PRKN: variants seen among roughly 807,000 people sequenced by gnomAD.
The protein encoded by PRKN is parkin RBR E3 ubiquitin protein ligase.
A neutral mutation model predicts 59.5 loss-of-function variants in PRKN; 56 were observed. The ratio of observed to expected loss-of-function variants is 0.94; its 90% confidence interval spans 0.76 to 1.18. PRKN has a LOEUF of 1.18. Among genes scored for constraint, PRKN ranks in the 50% most tolerant of loss-of-function variants. PRKN has a pLI of 0.00. For missense variants in PRKN, 657 were observed against 596.4 expected (o/e 1.10, Z -1.06); for synonymous variants, 250 against 222.1 (o/e 1.13, Z -1.12).
intron 1 of PRKN, among the ~76,000 whole-genome samples, chr6:162,645,467 A>T (rs1778131665): frequency 1.3e-5 from 2 of 152,210 alleles, no homozygotes; most frequent in East Asian, 3.8e-4. Flanking sequence ...AAAGAGGTCA[A>T]TTGCAGCTCT....
In PRKN at chr6:161,363,579, A is replaced by G. The variant is rs1363601566; in HGVS notation, c.1168-3374T>C. Among the ~76,000 whole-genome samples, 1 of 152,162 alleles carries G rather than the reference A, an allele frequency of 6.6e-6. No individual in the cohort carries two copies. The highest frequency in any genetic ancestry group is 1.5e-5 in the Non-Finnish European group (1 of 68,040). ...AGGTGAGAAGGTCCAGTGTTTTTCTAAGTAGAGTTCTGGAAGGAGATAACA... is the reference window on the plus strand; with the variant it reads ...AGGTGAGAAGGTCCAGTGTTTTTCTGAGTAGAGTTCTGGAAGGAGATAACA... On this transcript the variant is annotated intron_variant, in intron 10 of 11. Coordinates refer to ENST00000366898, the MANE Select transcript of PRKN (RefSeq NM_004562.3). This position sits in a 1 kb window ranked among gnomAD's most constrained non-coding sequence, Gnocchi z 4.1.
chr6:161,977,642 GTTC>G (rs1338135429), intron 5 of PRKN, among the ~76,000 whole-genome samples: 5 of 150,210 alleles, frequency 3.3e-5, no homozygotes, highest in Non-Finnish European at 5.9e-5. Flanking sequence ...CACCTCCCGG[GTTC>G]ACGCCATTCT....
At chr6:162,278,556 A>G (rs184489435) in intron 2 of PRKN, among the ~76,000 whole-genome samples, 18 of 152,258 alleles carry the variant, frequency 1.2e-4, no homozygotes, top group Non-Finnish European at 2.5e-4. Flanking sequence ...TAGATGGGAA[A>G]TACCTTCCTC....
At chr6:162,221,554 C>T (rs1334097568) in intron 3 of PRKN, among the ~76,000 whole-genome samples, 1 of 152,150 alleles carries the variant, frequency 6.6e-6, no homozygotes, top group Non-Finnish European at 1.5e-5. Flanking sequence ...ATTGATGCCA[C>T]AGTGGTATGG....
At position 161,471,123 on chromosome 6, in the gene PRKN, C is replaced by T. The variant is rs900955980; in HGVS notation, c.1083+77731G>A. 6.6e-6 allele frequency among the ~76,000 whole-genome samples: 1 copy of T among 152,142 alleles called. No homozygotes were observed. The highest frequency in any genetic ancestry group is 2.4e-5 in the African/African-American group (1 of 41,414). ...TGAACCCACACTTGTCTTCTTATCCCAGGTCCTGCAAATGTTAGGACTGGA... is the reference window on the plus strand; with the variant it reads ...TGAACCCACACTTGTCTTCTTATCCTAGGTCCTGCAAATGTTAGGACTGGA... On this transcript the variant is annotated intron_variant, in intron 9 of 11. Transcript: ENST00000366898. This position sits in a 1 kb window ranked among gnomAD's most constrained non-coding sequence, Gnocchi z 4.5.
At chr6:162,601,302 G>T (rs564979723) in intron 1 of PRKN, among the ~76,000 whole-genome samples, 1 of 152,184 alleles carries the variant, frequency 6.6e-6, no homozygotes, top group Non-Finnish European at 1.5e-5. Flanking sequence ...TGGGGATTTG[G>T]TTTCCAAAAC....
Position 162,201,255 on chromosome 6 carries a change from G to A in PRKN, c.413-3C>T, listed in dbSNP as rs1281001600. ...GCTGTTGTAGATTGATCTACCTGCT[G>A]GAGAAGAAAAAGCAGAAGAAGTGGC... is the stretch of plus-strand genomic sequence containing the variant. On this transcript the variant is annotated splice_polypyrimidine_tract_variant and splice_region_variant and intron_variant, in intron 3 of 11. Coordinates refer to ENST00000366898, the MANE Select transcript of PRKN (RefSeq NM_004562.3). The A allele has an allele frequency of 1.2e-6, 2 of 1,613,492 alleles. No individual in the cohort carries two copies. Among genetic ancestry groups the A allele is most frequent in the African/African-American group, 2.7e-5 (2 of 74,904 alleles).
chr6:161,993,866 A>G (rs1277514106), intron 5 of PRKN, among the ~76,000 whole-genome samples: 2 of 152,184 alleles, frequency 1.3e-5, no homozygotes. Context: ...ATCATGTGAC[A>G]TGACAGAAGG....
chr6:161,565,721 C>T (rs1780616877), intron 8 of PRKN, among the ~76,000 whole-genome samples: 1 of 152,148 alleles, frequency 6.6e-6, no homozygotes, highest in Admixed American at 6.5e-5. Context: ...CAGGCATTTA[C>T]TTATAGCAAT....
At chr6:162,323,409 G>T (rs1414060628) in intron 2 of PRKN, among the ~76,000 whole-genome samples, 1 of 128,064 alleles carries the variant, frequency 7.8e-6, no homozygotes, top group Non-Finnish European at 1.8e-5. Context: ...CATTTATTTT[G>T]ACTGTCAAAA....
At chr6:161,925,003 T>G (rs1398942570) in intron 6 of PRKN, among the ~76,000 whole-genome samples, 1 of 152,194 alleles carries the variant, frequency 6.6e-6, no homozygotes, top group African/African-American at 2.4e-5. Context: ...GGTCAAATGT[T>G]AAGACTTGCT....
chr6:162,257,725 G>C (rs1393846158), intron 3 of PRKN, among the ~76,000 whole-genome samples: 4 of 152,130 alleles, frequency 2.6e-5, no homozygotes, highest in Non-Finnish European at 4.4e-5. Flanking sequence ...GACACCGCCT[G>C]CAGGTATGGC....
At chr6:162,010,309 A>G (rs1583475349) in intron 5 of PRKN, among the ~76,000 whole-genome samples, 1 of 122,946 alleles carries the variant, frequency 8.1e-6, no homozygotes, top group Non-Finnish European at 1.6e-5. Flanking sequence ...TTTATTATAT[A>G]TATTTTATAT....
Position 162,327,607 on chromosome 6 carries a change from T to G in PRKN, c.172-64842A>C, listed in dbSNP as rs184374952. On this transcript the variant is annotated intron_variant, in intron 2 of 11. Transcript: ENST00000366898. ...TTCTCTACAGTTTCAATGTTAGGTT[T>G]TGAAAATGTTAGGTCCTTGACAATG... Among the ~76,000 whole-genome samples the G allele has an allele frequency of 3.8e-4, 49 of 130,476 alleles. 1 individual carries two copies. Among genetic ancestry groups the G allele is most frequent in the Middle Eastern group, 4.1e-3 (1 of 242 alleles). The allele number at this position is 130,476 out of a possible 152,430, so 85.6% of individuals were successfully genotyped here. A position where few individuals can be genotyped will look rare whatever the true frequency, so the allele number is the denominator to read the frequency against.
In PRKN at chr6:162,471,627, TAC is replaced by T. The variant is rs142581369; in HGVS notation, c.8-28156_8-28155del. ...CTATTAGATATGTTTTCTGAGTTTT[TAC>T]ACATTAAAACTTTCCACAGTAAACA... On this transcript the variant is annotated intron_variant, in intron 1 of 11. Transcript: ENST00000366898. Among the ~76,000 whole-genome samples the T allele has an allele frequency of 7.9e-4, 121 of 152,344 alleles. 1 individual carries two copies. In the South Asian group the frequency reaches 0.012, roughly 15 times the overall value.
intron 6 of PRKN, among the ~76,000 whole-genome samples, chr6:161,944,635 A>C (rs1779714799): frequency 6.6e-6 from 1 of 152,218 alleles, no homozygotes; most frequent in Non-Finnish European, 1.5e-5. Context: ...GGCCAAGCAC[A>C]GTGTCTGCTA....
chr6:162,465,699 G>T lies in PRKN; in HGVS notation c.8-22226C>A, dbSNP rs116772247. On this transcript the variant is annotated intron_variant, in intron 1 of 11. Coordinates refer to ENST00000366898, the MANE Select transcript of PRKN (RefSeq NM_004562.3). ...AATGTCAAGTGACAATGGCAGGGAA[G>T]AAACTGAATGCTGATTTGATCTACA... Among the ~76,000 whole-genome samples, 694 of 122,114 alleles carry T rather than the reference G, an allele frequency of 5.7e-3. 10 individuals are homozygous for T. Among genetic ancestry groups the T allele is most frequent in the African/African-American group, 0.02 (659 of 32,404 alleles). The allele number at this position is 122,114 out of a possible 152,430, so 80.1% of individuals were successfully genotyped here.
At chr6:161,351,785 T>TAGA (rs1784562935) in intron 11 of PRKN, among the ~76,000 whole-genome samples, 1 of 152,214 alleles carries the variant, frequency 6.6e-6, no homozygotes, top group Non-Finnish European at 1.5e-5. Context: ...CACTCTGCTA[T>TAGA]AGAATTTCCC....
intron 6 of PRKN, among the ~76,000 whole-genome samples, chr6:161,802,135 G>C (rs1025172464): frequency 2.0e-5 from 3 of 152,064 alleles, no homozygotes; most frequent in Non-Finnish European, 4.4e-5. Flanking sequence ...AGGCTCATTG[G>C]AGGAAGAGTC....
Sources: gnomAD v4.1 joint callset for allele counts (sites outside exome capture counted in the v4.1 genomes callset) on GRCh38, gnomAD v4.1.1 for gene constraint, Gnocchi (gnomAD v3.1) non-coding constraint, MANE v1.5 for transcripts, NCBI Gene and HGNC (gene_info 2026-07-23, HGNC 2026-07-21) for gene names.